Variants in EIF3H observed in about 807,000 individuals in gnomAD.
EIF3H encodes eIF-3-gamma.
A neutral mutation model predicts 44.2 loss-of-function variants in EIF3H; 26 were observed. That is an observed-to-expected ratio of 0.59 (90% CI 0.43 to 0.82). EIF3H has a LOEUF of 0.82. Ranked by LOEUF, EIF3H falls within the 40% of genes least tolerant of loss-of-function variation. The pLI, the probability that EIF3H is intolerant of heterozygous loss-of-function variation, is 0.00. For missense variants in EIF3H, 359 were observed against 432.8 expected (o/e 0.83, Z 1.51); for synonymous variants, 166 against 151.9 (o/e 1.09, Z -0.68).
chr8:116,651,844 G>A (rs1224912446), intron 5 of EIF3H, among the ~76,000 whole-genome samples: 2 of 152,182 alleles, frequency 1.3e-5, no homozygotes, highest in Admixed American at 1.3e-4. Flanking sequence ...CATACTACAA[G>A]TCTGGAATCT....
At chr8:116,702,411 T>C (rs1456359991) in intron 2 of EIF3H, among the ~76,000 whole-genome samples, 2 of 152,206 alleles carry the variant, frequency 1.3e-5, no homozygotes, top group East Asian at 1.9e-4. Context: ...CCTGAAATCA[T>C]TTCCTATACC....
chr8:116,758,591 A>G (rs1815484142), upstream of EIF3H, among the ~76,000 whole-genome samples: 1 of 152,252 alleles, frequency 6.6e-6, no homozygotes, highest in Non-Finnish European at 1.5e-5. Context: ...CATATCCTGA[A>G]CCATAAACAA....
chr8:116,687,735 C>T (rs970111597), intron 2 of EIF3H, among the ~76,000 whole-genome samples: 3 of 152,042 alleles, frequency 2.0e-5, no homozygotes, highest in African/African-American at 7.2e-5. Context: ...AAATCTCTAA[C>T]AATGAGGGTT....
chr8:116,703,860 C>A (rs940601750), intron 2 of EIF3H, among the ~76,000 whole-genome samples: 3 of 152,158 alleles, frequency 2.0e-5, no homozygotes, highest in African/African-American at 7.2e-5. Flanking sequence ...TTTATTTCTA[C>A]CATCTCTCGT....
chr8:116,718,924 A>C (rs994345846), intron 2 of EIF3H, among the ~76,000 whole-genome samples: 4 of 151,826 alleles, frequency 2.6e-5, no homozygotes, highest in African/African-American at 9.7e-5. Context: ...TGCTTCCCCC[A>C]AAAAAGAAAA....
intron 2 of EIF3H, among the ~76,000 whole-genome samples, chr8:116,682,289 G>C (rs1314729457): frequency 6.6e-6 from 1 of 152,184 alleles, no homozygotes; most frequent in African/African-American, 2.4e-5. Context: ...GAGGTCAAAA[G>C]CATAATTTAA....
intron 4 of EIF3H, among the ~76,000 whole-genome samples, chr8:116,656,496 A>G (rs1248463452): frequency 6.6e-6 from 1 of 152,180 alleles, no homozygotes; most frequent in Admixed American, 6.5e-5. Context: ...TTTCTCATAG[A>G]TTAGTTATAA....
intron 2 of EIF3H, among the ~76,000 whole-genome samples, chr8:116,671,011 C>T (rs1306918271): frequency 6.6e-6 from 1 of 152,104 alleles, no homozygotes; most frequent in African/African-American, 2.4e-5. Context: ...GAAAGATGTC[C>T]GAAGGCTACA....
chr8:116,755,830 G>T (rs201280343), upstream of EIF3H: 169 of 1,608,900 alleles, frequency 1.1e-4, no homozygotes, highest in Middle Eastern at 1.5e-3. Flanking sequence ...AGAGAAACGT[G>T]AGTTACCGGA....
At chr8:116,713,688 TAAGTTA>T (rs1026409112) in intron 2 of EIF3H, among the ~76,000 whole-genome samples, 1 of 152,120 alleles carries the variant, frequency 6.6e-6, no homozygotes, top group Non-Finnish European at 1.5e-5. Flanking sequence ...TTTAGGTTTT[TAAGTTA>T]AAGTTTTACA....
Position 116,744,214 on chromosome 8 carries a change from TA to T in EIF3H, c.132+11451del, listed in dbSNP as rs66854303. On this transcript the variant is annotated intron_variant, in intron 1 of 7. Transcript: ENST00000521861. ...GGAGAGGTGGAAACATAGAAAGTAT[TA>T]AAAAAAAAAAAAACAAACAGTAAGC... Among the ~76,000 whole-genome samples the T allele has an allele frequency of 2.5e-3, 349 of 141,270 alleles. 1 individual carries two copies. The highest frequency in any genetic ancestry group is 8.0e-3 in the African/African-American group (305 of 38,110). 92.7% of individuals were successfully genotyped at this position (141,270 alleles called of 152,430 possible).
At chr8:116,744,293 T>C (rs964063997) in intron 1 of EIF3H, among the ~76,000 whole-genome samples, 6 of 151,976 alleles carry the variant, frequency 3.9e-5, no homozygotes, top group African/African-American at 1.4e-4. Flanking sequence ...AGGTACTATT[T>C]TGGAGGCAAA....
intron 2 of EIF3H, among the ~76,000 whole-genome samples, chr8:116,676,669 G>A (rs1293659584): frequency 6.6e-6 from 1 of 152,220 alleles, no homozygotes; most frequent in Non-Finnish European, 1.5e-5. Flanking sequence ...TAGTATGACA[G>A]TATTACTAAT....
intron 2 of EIF3H, among the ~76,000 whole-genome samples, chr8:116,701,552 C>T (rs917296557): frequency 2.0e-5 from 3 of 152,152 alleles, no homozygotes; most frequent in African/African-American, 7.2e-5. Flanking sequence ...AGAAACCTGG[C>T]AGTCACCACC....
Position 116,644,374 on chromosome 8 carries a change from A to G in EIF3H, c.*632T>C, listed in dbSNP as rs1218969275. 2 of 152,282 alleles carry G rather than the reference A, an allele frequency of 1.3e-5. No individual in the cohort carries two copies. The highest frequency in any genetic ancestry group is 2.9e-5 in the Non-Finnish European group (2 of 68,086). The allele number at this position is 152,282 out of a possible 1,614,324, so 9.4% of individuals were successfully genotyped here. A position where few individuals can be genotyped will look rare whatever the true frequency, so the allele number is the denominator to read the frequency against. On this transcript the variant is annotated 3_prime_UTR_variant, in exon 8 of 8. Coordinates refer to ENST00000521861, the MANE Select transcript of EIF3H (RefSeq NM_003756.3). ...CACTACACTCCAGCCTGGGCAACAA[A>G]GTGAGACTCTGTCTTTAAAAATAAT...
intron 2 of EIF3H, among the ~76,000 whole-genome samples, chr8:116,674,808 AAG>A (rs917698553): frequency 3.9e-5 from 6 of 152,248 alleles, no homozygotes; most frequent in South Asian, 2.1e-4. Context: ...AGAAGAGGGA[AAG>A]AGAGCTGGCA....
chr8:116,723,785 A>G (rs1212167714), intron 2 of EIF3H, among the ~76,000 whole-genome samples: 3 of 152,230 alleles, frequency 2.0e-5, no homozygotes, highest in Admixed American at 1.3e-4. Flanking sequence ...CCAAAGAGGC[A>G]AAACACTCGT....
At chr8:116,749,456 T>C (rs957934144) in intron 1 of EIF3H, among the ~76,000 whole-genome samples, 3 of 152,210 alleles carry the variant, frequency 2.0e-5, no homozygotes, top group African/African-American at 7.2e-5. Flanking sequence ...ATTGCTCATC[T>C]TACTGGACAT....
At chr8:116,675,678 A>G (rs1813837184) in intron 2 of EIF3H, among the ~76,000 whole-genome samples, 1 of 152,240 alleles carries the variant, frequency 6.6e-6, no homozygotes, top group African/African-American at 2.4e-5. Context: ...TGGATAATCT[A>G]CTGCTGATCC....
Sources: allele counts gnomAD v4.1 joint callset (sites outside exome capture counted in the v4.1 genomes callset), GRCh38; gene constraint gnomAD v4.1.1; transcripts MANE v1.5; gene names NCBI Gene and HGNC (gene_info 2026-07-23, HGNC 2026-07-21).